ABI1: variants seen among roughly 807,000 people sequenced by gnomAD.
The protein encoded by ABI1 is abl interactor 1.
ABI1 carries 14 observed loss-of-function variants against 54.6 expected under a neutral mutation model. The observed-to-expected ratio is 0.26, with a 90% CI of 0.17 to 0.40. The LOEUF is 0.40. ABI1 is among the 10% of genes least tolerant of loss of function. ABI1 has a pLI of 1.00. For missense variants in ABI1, 443 were observed against 598.3 expected, an observed-to-expected ratio of 0.74 and a Z score of 2.71; for synonymous variants, 194 against 209.3, an observed-to-expected ratio of 0.93 and a Z score of 0.63.
At chr10:26,752,773 TA>T (rs2132434155) in intron 9 of ABI1, among the ~76,000 whole-genome samples, 1 of 152,248 alleles carries the variant, frequency 6.6e-6, no homozygotes, top group African/African-American at 2.4e-5. Flanking sequence ...AATGAACTAG[TA>T]TAATATCAGG....
At position 26,829,180 on chromosome 10, in the gene ABI1, C is replaced by G. The variant is rs575930633; in HGVS notation, c.118-5875G>C. 2.6e-4 allele frequency among the ~76,000 whole-genome samples: 39 copies of G among 151,068 alleles called. 1 individual carries two copies. In the South Asian group the frequency reaches 8.0e-3, roughly 31 times the overall value. ...GACGGAGCTTGCAGTGAGCCCAGATCGCGCCACTGCACTCCAACCTAGGTG... is the reference window on the plus strand; with the variant it reads ...GACGGAGCTTGCAGTGAGCCCAGATGGCGCCACTGCACTCCAACCTAGGTG... On this transcript the variant is annotated intron_variant, in intron 1 of 10. Coordinates refer to ENST00000376140, the MANE Select transcript of ABI1 (RefSeq NM_001012750.3).
chr10:26,845,628 A>G (rs1245478551), intron 1 of ABI1, among the ~76,000 whole-genome samples: 1 of 152,114 alleles, frequency 6.6e-6, no homozygotes, highest in African/African-American at 2.4e-5. Context: ...GGACAACAAG[A>G]GCGAAACTCT....
intron 9 of ABI1, 109 bp downstream of exon 9, chr10:26,755,546 C>G (rs1180416166): frequency 2.4e-6 from 2 of 848,626 alleles, no homozygotes; most frequent in East Asian, 5.1e-5. Context: ...CACCTATTTT[C>G]AAGATTAGCT....
intron 7 of ABI1, 51 bp from the exon 8 acceptor site, chr10:26,759,289 T>A: frequency 6.4e-7 from 1 of 1,562,022 alleles, no homozygotes; most frequent in Non-Finnish European, 8.7e-7. Flanking sequence ...AGCATTGTAA[T>A]CACCTTAGAT....
chr10:26,758,068 C>CA lies in ABI1; in HGVS notation c.997+993dup, dbSNP rs71403888. 7.6e-3 allele frequency among the ~76,000 whole-genome samples: 513 copies of CA among 67,256 alleles called. 11 individuals carry two copies. The highest frequency in any genetic ancestry group is 0.029 in the Middle Eastern group (3 of 102). 44.1% of individuals were successfully genotyped at this position (67,256 alleles called of 152,430 possible). ...GGGCGACAAGAGTGAAACTCTGTCT[C>CA]AAAAAAAAAAAAAAAAAAAAAAAAA... On this transcript the variant is annotated intron_variant, in intron 8 of 10. Transcript: ENST00000376140.
chr10:26,826,215 T>C (rs186567346), intron 1 of ABI1, among the ~76,000 whole-genome samples: 40 of 152,366 alleles, frequency 2.6e-4, no homozygotes, highest in African/African-American at 8.9e-4. Context: ...TCTATGGGGC[T>C]GCAAAATAAG....
intron 2 of ABI1, chr10:26,788,912 C>CAAAAAAA (rs56220406): frequency 1.9e-5 from 1 of 52,012 alleles, no homozygotes; most frequent in Non-Finnish European, 3.7e-5. Flanking sequence ...GACTCCGTCT[C>CAAAAAAA]AAAAAAAAAA....
chr10:26,817,109 C>A (rs1487409966), intron 2 of ABI1, among the ~76,000 whole-genome samples: 6 of 151,864 alleles, frequency 4.0e-5, no homozygotes, highest in Non-Finnish European at 5.9e-5. Context: ...AGGCGATTCT[C>A]CTGCCTTAGC....
intron 2 of ABI1, among the ~76,000 whole-genome samples, chr10:26,777,470 G>A (rs1457928677): frequency 6.6e-6 from 1 of 152,154 alleles, no homozygotes; most frequent in East Asian, 1.9e-4. Context: ...CTGGAAAGCA[G>A]TTTTCTTTCC....
intron 8 of ABI1, among the ~76,000 whole-genome samples, chr10:26,758,004 G>A: frequency 6.8e-6 from 1 of 146,920 alleles, no homozygotes; most frequent in Non-Finnish European, 1.5e-5. Context: ...GGAGGGTGAG[G>A]TTGCAGTGGA....
chr10:26,844,239 TTTAAA>T (rs1201956256), intron 1 of ABI1, among the ~76,000 whole-genome samples: 4 of 152,116 alleles, frequency 2.6e-5, no homozygotes, highest in East Asian at 1.9e-4. Flanking sequence ...CCCTCAACTC[TTTAAA>T]TTAATGACTC....
At chr10:26,796,868 C>T (rs1844243867) in intron 2 of ABI1, among the ~76,000 whole-genome samples, 1 of 152,166 alleles carries the variant, frequency 6.6e-6, no homozygotes, top group Admixed American at 6.5e-5. Flanking sequence ...GATCATCAGG[C>T]ATTAGATTCT....
chr10:26,847,756 T>A (rs574400288), intron 1 of ABI1, among the ~76,000 whole-genome samples: 2 of 152,162 alleles, frequency 1.3e-5, no homozygotes, highest in South Asian at 4.2e-4. Context: ...CCTTTTTTCA[T>A]GGAAAACATA....
intron 1 of ABI1, among the ~76,000 whole-genome samples, chr10:26,855,126 G>C (rs1434073652): frequency 6.6e-6 from 1 of 152,124 alleles, no homozygotes; most frequent in African/African-American, 2.4e-5. Context: ...AAAAAAATCT[G>C]AAACATTTCT....
intron 3 of ABI1, among the ~76,000 whole-genome samples, chr10:26,775,766 CAG>C (rs140439258): frequency 0.022 from 3,381 of 152,134 alleles, 93 homozygotes; most frequent in African/African-American, 0.071. Context: ...AAGACAATGA[CAG>C]AAAAAATTTT....
At chr10:26,786,397 T>C (rs1414355804) in intron 2 of ABI1, among the ~76,000 whole-genome samples, 1 of 152,086 alleles carries the variant, frequency 6.6e-6, no homozygotes, top group African/African-American at 2.4e-5. Flanking sequence ...GTATGTTTTG[T>C]AGAGACGGGG....
chr10:26,848,749 C>T (rs1389695279), intron 1 of ABI1, among the ~76,000 whole-genome samples: 2 of 151,826 alleles, frequency 1.3e-5, no homozygotes, highest in Non-Finnish European at 2.9e-5. Flanking sequence ...GCTGGGATTA[C>T]AGGCATGTGC....
At chr10:26,779,295 G>C (rs11015281) in intron 2 of ABI1, among the ~76,000 whole-genome samples, 1 of 152,192 alleles carries the variant, frequency 6.6e-6, no homozygotes, top group Non-Finnish European at 1.5e-5. Flanking sequence ...CTGTGAATGA[G>C]GCTGAAATGA....
intron 2 of ABI1, among the ~76,000 whole-genome samples, chr10:26,783,877 T>C (rs1283443916): frequency 1.3e-5 from 2 of 152,024 alleles, no homozygotes; most frequent in African/African-American, 2.4e-5. Flanking sequence ...TCTCTGTAAG[T>C]TTAATAAAAG....
Sources: gnomAD v4.1 joint callset for allele counts (sites outside exome capture counted in the v4.1 genomes callset) on GRCh38, gnomAD v4.1.1 for gene constraint, MANE v1.5 for transcripts, NCBI Gene and HGNC (gene_info 2026-07-23, HGNC 2026-07-21) for gene names.